Variants in EBF2 observed in about 807,000 individuals in gnomAD.
The protein encoded by EBF2 is EBF transcription factor 2, also known as transcription factor COE2.
Under a neutral mutation model 72.8 loss-of-function variants are expected in EBF2, and 21 were observed. That is an observed-to-expected ratio of 0.29 (90% CI 0.20 to 0.42). The LOEUF (loss-of-function observed/expected upper bound fraction) is 0.42. EBF2 is among the 10% of genes least tolerant of loss of function. The probability of loss-of-function intolerance (pLI) is 1.00; values close to 1 mark genes in which losing one functional copy is unlikely to be tolerated. For missense variants in EBF2, 637 were observed against 731.2 expected, an observed-to-expected ratio of 0.87 and a Z score of 1.49; for synonymous variants, 299 against 274.2, an observed-to-expected ratio of 1.09 and a Z score of -0.89.
At chr8:25,936,094 TAGAGA>T (rs964929284) in intron 6 of EBF2, among the ~76,000 whole-genome samples, 1 of 151,830 alleles carries the variant, frequency 6.6e-6, no homozygotes, top group African/African-American at 2.4e-5. Context: ...AGCAGAGGAG[TAGAGA>T]AGAGTATGCT....
rs192713274 is a variant in EBF2, at chr8:25,888,150, T to C, written c.752-178A>G. On this transcript the variant is annotated intron_variant, in intron 8 of 15. Coordinates refer to ENST00000520164, the MANE Select transcript of EBF2 (RefSeq NM_022659.4). Reference sequence around the variant, plus strand: ...AAAAAAGGTCCATGTATAATTTTTGTGATATCCCCCACCACAGATAAGAAA... The same window carrying C: ...AAAAAAGGTCCATGTATAATTTTTGCGATATCCCCCACCACAGATAAGAAA... Among the ~76,000 whole-genome samples, 3 of 152,348 alleles carry C rather than the reference T, an allele frequency of 2.0e-5. No individual in the cohort carries two copies. The East Asian group carries it at 5.8e-4, about 29-fold the overall frequency.
At chr8:25,897,222 T>TA (rs74646175) in intron 7 of EBF2, among the ~76,000 whole-genome samples, 13,914 of 151,344 alleles carry the variant, frequency 0.092, 2,150 homozygotes, top group African/African-American at 0.32. Context: ...TCTTTTTTTT[T>TA]AAAAAAAAAT....
intron 6 of EBF2, among the ~76,000 whole-genome samples, chr8:26,026,837 C>T (rs1261325291): frequency 6.6e-6 from 1 of 152,200 alleles, no homozygotes; most frequent in East Asian, 1.9e-4. Context: ...TCCAGTTTCA[C>T]AAGCAAACTG....
chr8:25,981,736 C>T (rs1458012523), intron 6 of EBF2, among the ~76,000 whole-genome samples: 1 of 149,056 alleles, frequency 6.7e-6, no homozygotes. Flanking sequence ...GCAGAGGTTG[C>T]AGTGAGCTAA....
chr8:25,908,631 T>C, intron 6 of EBF2, 76 bp from the exon 7 acceptor site: 1 of 1,001,856 alleles, frequency 1.0e-6, no homozygotes, highest in South Asian at 1.4e-5. Flanking sequence ...TTCCATTAGA[T>C]TTGATTTGAC....
At chr8:25,928,888 A>G (rs1030612961) in intron 6 of EBF2, among the ~76,000 whole-genome samples, 1 of 151,950 alleles carries the variant, frequency 6.6e-6, no homozygotes, top group Non-Finnish European at 1.5e-5. Flanking sequence ...CAAACAGACC[A>G]GCAAGGAGTT....
chr8:26,013,244 C>T (rs537692266), intron 6 of EBF2, among the ~76,000 whole-genome samples: 18 of 152,266 alleles, frequency 1.2e-4, no homozygotes, highest in Non-Finnish European at 2.4e-4. Context: ...TTTATCACTT[C>T]CATCACAGCC....
chr8:26,026,036 C>A lies in EBF2; in HGVS notation c.551+7049G>T, dbSNP rs138934217. Among the ~76,000 whole-genome samples, 366 of 152,090 alleles carry A rather than the reference C, an allele frequency of 2.4e-3. 3 individuals are homozygous for A. Among genetic ancestry groups the A allele is most frequent in the Non-Finnish European group, 3.6e-3 (242 of 67,986 alleles). ...AAAAAATAAAATTTAAAAGATAGCC[C>A]GGCATAGTGGCACAACTGTAGTCCT... On this transcript the variant is annotated intron_variant, in intron 6 of 15. Transcript: ENST00000520164.
At chr8:25,887,299 T>C (rs1802706190) in intron 9 of EBF2, among the ~76,000 whole-genome samples, 1 of 152,144 alleles carries the variant, frequency 6.6e-6, no homozygotes, top group South Asian at 2.1e-4. Flanking sequence ...CTATCCTGCT[T>C]GTGATTTCAA....
At chr8:25,949,341 C>T (rs1403917599) in intron 6 of EBF2, among the ~76,000 whole-genome samples, 1 of 152,110 alleles carries the variant, frequency 6.6e-6, no homozygotes, top group South Asian at 2.1e-4. Context: ...TAAAAGTACC[C>T]CCATAATCAC....
intron 6 of EBF2, among the ~76,000 whole-genome samples, chr8:25,910,096 T>G (rs2117315157): frequency 6.6e-6 from 1 of 152,272 alleles, no homozygotes; most frequent in South Asian, 2.1e-4. Context: ...AGTGTTCAAA[T>G]TCACAACCTG....
At chr8:25,899,105 A>C (rs1585187263) in intron 7 of EBF2, among the ~76,000 whole-genome samples, 1 of 152,244 alleles carries the variant, frequency 6.6e-6, no homozygotes, top group East Asian at 1.9e-4. Flanking sequence ...TCTTGTCCCC[A>C]TTCAAGACAC....
intron 10 of EBF2, among the ~76,000 whole-genome samples, chr8:25,878,750 A>G (rs1802561984): frequency 6.6e-6 from 1 of 152,188 alleles, no homozygotes; most frequent in Non-Finnish European, 1.5e-5. Context: ...TTTGTGAATG[A>G]ACAAGGATGA....
intron 6 of EBF2, among the ~76,000 whole-genome samples, chr8:26,007,801 CACACACACACAT>C (rs1054803414): frequency 3.7e-4 from 56 of 151,964 alleles, no homozygotes; most frequent in African/African-American, 1.3e-3. Context: ...CATGTGCACA[CACACACACACAT>C]ACACACACAC....
At chr8:26,005,527 T>C (rs1302579762) in intron 6 of EBF2, among the ~76,000 whole-genome samples, 3 of 81,824 alleles carry the variant, frequency 3.7e-5, no homozygotes, top group African/African-American at 8.8e-5. Flanking sequence ...AAATATATTA[T>C]ATATTATATA....
At chr8:25,968,159 T>C (rs1017681185) in intron 6 of EBF2, among the ~76,000 whole-genome samples, 4 of 152,120 alleles carry the variant, frequency 2.6e-5, no homozygotes, top group Admixed American at 1.3e-4. Context: ...CGGTGAATCA[T>C]GATCGAGCAA....
intron 7 of EBF2, among the ~76,000 whole-genome samples, chr8:25,894,761 C>A (rs1257091772): frequency 6.6e-6 from 1 of 152,224 alleles, no homozygotes; most frequent in Non-Finnish European, 1.5e-5. Context: ...GTATGCATCT[C>A]TGCCAAGGGT....
intron 7 of EBF2, among the ~76,000 whole-genome samples, chr8:25,897,396 C>T (rs1178593144): frequency 2.0e-5 from 3 of 151,626 alleles, no homozygotes; most frequent in Non-Finnish European, 4.4e-5. Flanking sequence ...AAGGAGTATA[C>T]ATGCAGGTTT....
chr8:25,966,908 T>C (rs959115145), intron 6 of EBF2, among the ~76,000 whole-genome samples: 1 of 152,188 alleles, frequency 6.6e-6, no homozygotes, highest in Admixed American at 6.5e-5. Flanking sequence ...CAGAGATTCT[T>C]TTCTATAGAC....
Sources: allele counts gnomAD v4.1 joint callset (sites outside exome capture counted in the v4.1 genomes callset), GRCh38; gene constraint gnomAD v4.1.1; transcripts MANE v1.5; gene names NCBI Gene and HGNC (gene_info 2026-07-23, HGNC 2026-07-21).